The following MSRA variants were observed in gnomAD, a reference collection of about 807,000 sequenced individuals.
MSRA encodes the protein methionine sulfoxide reductase A, also known as mitochondrial peptide methionine sulfoxide reductase.
In MSRA, 54 loss-of-function variants were observed where a neutral mutation model predicts 31.3. The observed-to-expected ratio is 1.73, with a 90% CI of 1.39 to 2.17. The LOEUF (loss-of-function observed/expected upper bound fraction) is 2.17, where lower values mean the gene tolerates loss of function less well. Ranked by LOEUF, MSRA falls within the 30% of genes most tolerant of loss-of-function variation. The probability of loss-of-function intolerance (pLI) is 0.00; values close to 1 mark genes in which losing one functional copy is unlikely to be tolerated. For missense variants in MSRA, 507 were observed against 300.9 expected, an observed-to-expected ratio of 1.69 and a Z score of -5.07; for synonymous variants, 169 against 116.5, an observed-to-expected ratio of 1.45 and a Z score of -2.90.
chr8:10,288,371 G>T (rs958743023), intron 3 of MSRA, among the ~76,000 whole-genome samples: 1 of 152,136 alleles, frequency 6.6e-6, no homozygotes, highest in Non-Finnish European at 1.5e-5. Context: ...CCCTTGAAGT[G>T]ACACCACCCT....
At chr8:10,243,009 G>T (rs188803258) in intron 2 of MSRA, among the ~76,000 whole-genome samples, 20 of 152,212 alleles carry the variant, frequency 1.3e-4, no homozygotes, top group African/African-American at 4.3e-4. Context: ...ATTAAAAGGG[G>T]ATTAAATATC....
intron 3 of MSRA, among the ~76,000 whole-genome samples, chr8:10,295,587 T>G (rs1364744060): frequency 1.3e-5 from 2 of 152,106 alleles, no homozygotes; most frequent in African/African-American, 4.8e-5. Flanking sequence ...ACATAAGACC[T>G]GCTTCCCTGC....
intron 5 of MSRA, among the ~76,000 whole-genome samples, chr8:10,416,926 A>G (rs1808495528): frequency 1.3e-5 from 2 of 152,242 alleles, no homozygotes; most frequent in Admixed American, 1.3e-4. Context: ...TTGCAAACCA[A>G]GAGAAATATC....
At chr8:10,403,703 A>C (rs537493403) in intron 5 of MSRA, among the ~76,000 whole-genome samples, 23 of 152,350 alleles carry the variant, frequency 1.5e-4, no homozygotes, top group Admixed American at 4.6e-4. Context: ...AGGCCTTACA[A>C]AGTTGAAACT....
intron 3 of MSRA, among the ~76,000 whole-genome samples, chr8:10,295,608 C>T (rs1439969265): frequency 3.2e-4 from 48 of 152,210 alleles, no homozygotes; most frequent in Admixed American, 3.1e-3. Context: ...TGGCGAAGCA[C>T]CACCATTTCT....
chr8:10,367,305 A>G (rs1341543061), intron 5 of MSRA, among the ~76,000 whole-genome samples: 2 of 152,184 alleles, frequency 1.3e-5, no homozygotes, highest in African/African-American at 2.4e-5. Context: ...TTTTATTACA[A>G]TATATTGTGA....
At chr8:10,351,287 C>G (rs1456040880) in intron 5 of MSRA, among the ~76,000 whole-genome samples, 2 of 127,658 alleles carry the variant, frequency 1.6e-5, no homozygotes, top group Non-Finnish European at 3.1e-5. Flanking sequence ...CGGAGTCTCG[C>G]TCTGTTGCCG....
At chr8:10,072,299 C>A (rs533947974) in intron 1 of MSRA, among the ~76,000 whole-genome samples, 2 of 70,076 alleles carry the variant, frequency 2.9e-5, no homozygotes, top group African/African-American at 1.2e-4. Context: ...GACTCCCTTT[C>A]GCAACATTTT....
chr8:10,224,072 G>A (rs1810768458), intron 2 of MSRA, among the ~76,000 whole-genome samples: 1 of 152,112 alleles, frequency 6.6e-6, no homozygotes, highest in Non-Finnish European at 1.5e-5. Context: ...ATATCTCTTT[G>A]GCAAGGCAGG....
intron 1 of MSRA, among the ~76,000 whole-genome samples, chr8:10,175,446 C>T (rs1805964503): frequency 6.6e-6 from 1 of 152,178 alleles, no homozygotes; most frequent in African/African-American, 2.4e-5. Flanking sequence ...GAATGTAACA[C>T]AGGATCAACA....
At position 10,161,426 on chromosome 8, in the gene MSRA, C is replaced by A. The variant is rs915466209; in HGVS notation, c.143-46407C>A. ...CAAGCACTGCTGAATTTGATTTACC[C>A]TGTGCAAAGGCCCAACCTTCCATAG... On this transcript the variant is annotated intron_variant, in intron 1 of 5. Transcript: ENST00000317173. Among the ~76,000 whole-genome samples the A allele has an allele frequency of 2.6e-5, 4 of 152,146 alleles. No homozygotes were observed. The East Asian group carries it at 7.7e-4, about 29-fold the overall frequency.
intron 1 of MSRA, among the ~76,000 whole-genome samples, chr8:10,173,396 G>C (rs2129047225): frequency 6.6e-6 from 1 of 152,330 alleles, no homozygotes. Flanking sequence ...GAAACGGCTT[G>C]GCGTCATGAT....
intron 1 of MSRA, among the ~76,000 whole-genome samples, chr8:10,106,427 C>G (rs1050008534): frequency 6.6e-6 from 1 of 152,188 alleles, no homozygotes. Context: ...CGTCTCTGCA[C>G]CATTCCTCTA....
At chr8:10,131,941 A>G (rs1801927570) in intron 1 of MSRA, among the ~76,000 whole-genome samples, 1 of 152,216 alleles carries the variant, frequency 6.6e-6, no homozygotes, top group South Asian at 2.1e-4. Flanking sequence ...ATGAAAACAA[A>G]TGACTGAAGA....
intron 3 of MSRA, among the ~76,000 whole-genome samples, chr8:10,262,776 C>A (rs887366789): frequency 6.6e-6 from 1 of 152,224 alleles, no homozygotes; most frequent in Non-Finnish European, 1.5e-5. Context: ...CACAGCCAGG[C>A]TCTGTTAGTC....
chr8:10,181,616 C>T (rs990721884), intron 1 of MSRA, among the ~76,000 whole-genome samples: 7 of 152,022 alleles, frequency 4.6e-5, no homozygotes, highest in African/African-American at 1.7e-4. Flanking sequence ...AAGGCAATTA[C>T]TGAGGAGAAC....
At chr8:10,397,077 G>C (rs1807141480) in intron 5 of MSRA, among the ~76,000 whole-genome samples, 1 of 152,216 alleles carries the variant, frequency 6.6e-6, no homozygotes, top group South Asian at 2.1e-4. Context: ...CATCCTTGTA[G>C]TGAAATTTGT....
At chr8:10,137,668 G>T (rs1307992830) in intron 1 of MSRA, among the ~76,000 whole-genome samples, 3 of 152,180 alleles carry the variant, frequency 2.0e-5, no homozygotes, top group Non-Finnish European at 4.4e-5. Context: ...CTTCCTAACA[G>T]TGTTCTGATT....
chr8:10,305,758 G>T (rs185411253), intron 4 of MSRA, among the ~76,000 whole-genome samples: 1 of 152,148 alleles, frequency 6.6e-6, no homozygotes, highest in Non-Finnish European at 1.5e-5. Flanking sequence ...GTAAGTGAGA[G>T]ATTGGAAGGT....
Sources: gnomAD v4.1 joint callset for allele counts (sites outside exome capture counted in the v4.1 genomes callset) on GRCh38, gnomAD v4.1.1 for gene constraint, MANE v1.5 for transcripts, NCBI Gene and HGNC (gene_info 2026-07-23, HGNC 2026-07-21) for gene names.